Variants in IMMP2L observed in about 807,000 individuals in gnomAD.
The protein encoded by IMMP2L is inner mitochondrial membrane peptidase subunit 2, also known as mitochondrial inner membrane protease subunit 2.
In IMMP2L, 18 loss-of-function variants were observed where a neutral mutation model predicts 19.3. That is an observed-to-expected ratio of 0.93 (90% CI 0.64 to 1.38). The LOEUF is 1.38. Ranked by LOEUF, IMMP2L falls within the 40% of genes most tolerant of loss-of-function variation. IMMP2L has a pLI of 0.00. For synonymous variants in IMMP2L, 76 were observed against 73.0 expected (o/e 1.04, Z -0.21); for missense variants, 233 against 218.2 (o/e 1.07, Z -0.43).
intron 3 of IMMP2L, among the ~76,000 whole-genome samples, chr7:111,311,381 C>T (rs779011840): frequency 2.0e-5 from 3 of 152,064 alleles, no homozygotes; most frequent in Middle Eastern, 3.2e-3. Context: ...CATAAGGTCA[C>T]ACTTTGACAA....
chr7:111,099,699 T>G (rs946121511), intron 3 of IMMP2L, among the ~76,000 whole-genome samples: 4 of 151,188 alleles, frequency 2.6e-5, no homozygotes, highest in East Asian at 1.9e-4. Context: ...AAAATGAAGT[T>G]TTTTTTTTGA....
intron 3 of IMMP2L, among the ~76,000 whole-genome samples, chr7:111,039,621 A>G (rs1439357370): frequency 1.3e-5 from 2 of 152,190 alleles, no homozygotes; most frequent in Admixed American, 6.5e-5. Context: ...ATGTTAGTCC[A>G]TGTAATAAAG....
intron 3 of IMMP2L, among the ~76,000 whole-genome samples, chr7:110,976,299 C>G (rs192999350): frequency 3.1e-4 from 47 of 151,814 alleles, no homozygotes; most frequent in Non-Finnish European, 6.0e-4. Context: ...AATACATATA[C>G]GAAGATATTG....
chr7:111,243,512 TTA>T lies in IMMP2L; in HGVS notation c.239+243724_239+243725del, dbSNP rs1491198466. Among the ~76,000 whole-genome samples, 173 of 22,464 alleles carry T rather than the reference TTA, an allele frequency of 7.7e-3. 1 individual carries two copies. Among genetic ancestry groups the T allele is most frequent in the African/African-American group, 0.023 (167 of 7,396 alleles). 14.7% of individuals were successfully genotyped at this position (22,464 alleles called of 152,430 possible). A position where few individuals can be genotyped will look rare whatever the true frequency, so the allele number is the denominator to read the frequency against. On this transcript the variant is annotated intron_variant, in intron 3 of 5. Coordinates refer to ENST00000405709, the MANE Select transcript of IMMP2L (RefSeq NM_032549.4). ...GTTCAACTCTATATTTCTTGTTGCT[TTA>T]TTTTTTTTTTTTTTATTATACTCTA... is the stretch of plus-strand genomic sequence containing the variant.
At chr7:111,139,476 C>T (rs1159225960) in intron 3 of IMMP2L, among the ~76,000 whole-genome samples, 7 of 151,982 alleles carry the variant, frequency 4.6e-5, no homozygotes, top group African/African-American at 1.2e-4. Flanking sequence ...TAGGCAACTT[C>T]CCTGAAATAA....
chr7:111,329,628 AC>A (rs1211912296), intron 3 of IMMP2L, among the ~76,000 whole-genome samples: 1 of 151,988 alleles, frequency 6.6e-6, no homozygotes, highest in African/African-American at 2.4e-5. Flanking sequence ...ATGACAAGCC[AC>A]CTTGCAAAGG....
chr7:111,522,938 T>TATATGTATATATATATATATATATATATA (rs199823915), intron 1 of IMMP2L, among the ~76,000 whole-genome samples: 20 of 148,768 alleles, frequency 1.3e-4, no homozygotes, highest in Non-Finnish European at 2.5e-4. Flanking sequence ...TATATATATA[T>TATATGTATATATATATATATATATATATA]TATTTCACCA....
chr7:110,918,387 C>A (rs1260087424), intron 4 of IMMP2L, among the ~76,000 whole-genome samples: 1 of 151,862 alleles, frequency 6.6e-6, no homozygotes. Flanking sequence ...TCACCATAAT[C>A]CCCTTATTTA....
chr7:110,893,140 T>A (rs1328230461), intron 4 of IMMP2L, among the ~76,000 whole-genome samples: 1 of 152,200 alleles, frequency 6.6e-6, no homozygotes, highest in East Asian at 1.9e-4. Context: ...TACATTATAC[T>A]GTAGTTTATT....
At position 110,663,461 on chromosome 7, in the gene IMMP2L, T is replaced by C. The variant is rs1791209822; in HGVS notation, c.*141A>G. 1.5e-6 allele frequency: 1 copy of C among 662,316 alleles called. No homozygotes were observed. The allele number at this position is 662,316 out of a possible 1,614,324, so 41.0% of individuals were successfully genotyped here. A position where few individuals can be genotyped will look rare whatever the true frequency, so the allele number is the denominator to read the frequency against. On this transcript the variant is annotated 3_prime_UTR_variant, in exon 6 of 6. Transcript: ENST00000405709. ...CATTTGAAAATTATTTATTTAATAA[T>C]ACAGATCGTTTTAATGTGCTGTAAA...
intron 3 of IMMP2L, chr7:111,124,829 C>T: frequency 6.2e-7 from 1 of 1,607,328 alleles, no homozygotes; most frequent in Non-Finnish European, 8.5e-7. Flanking sequence ...CTCTGGGAAG[C>T]AGGAAAAGAA....
intron 3 of IMMP2L, among the ~76,000 whole-genome samples, chr7:111,090,605 T>C (rs955882618): frequency 7.0e-6 from 1 of 143,164 alleles, no homozygotes; most frequent in Non-Finnish European, 1.5e-5. Context: ...AGAAATGTCA[T>C]TGCTAAAAAA....
intron 3 of IMMP2L, among the ~76,000 whole-genome samples, chr7:111,250,001 A>C (rs1815900785): frequency 6.6e-6 from 1 of 152,180 alleles, no homozygotes; most frequent in Admixed American, 6.6e-5. Context: ...CTGTATCTAG[A>C]AAACCCCACC....
intron 1 of IMMP2L, among the ~76,000 whole-genome samples, chr7:111,537,457 A>T (rs983091442): frequency 1.3e-5 from 2 of 151,506 alleles, no homozygotes; most frequent in Non-Finnish European, 2.9e-5. Context: ...TTTCTATAGG[A>T]TAATATCAAG....
At chr7:110,715,275 C>T (rs1484421324) in intron 5 of IMMP2L, among the ~76,000 whole-genome samples, 1 of 151,934 alleles carries the variant, frequency 6.6e-6, no homozygotes, top group Non-Finnish European at 1.5e-5. Context: ...TTCACTTTCA[C>T]GCTGATTTTA....
chr7:111,142,116 G>A (rs957126771), intron 3 of IMMP2L, among the ~76,000 whole-genome samples: 92 of 152,130 alleles, frequency 6.0e-4, no homozygotes, highest in Admixed American at 4.4e-3. Flanking sequence ...ACCTGAGATC[G>A]GGAGTGCGAG....
chr7:110,771,800 T>A (rs558302820), intron 5 of IMMP2L, among the ~76,000 whole-genome samples: 4 of 152,272 alleles, frequency 2.6e-5, no homozygotes, highest in African/African-American at 7.2e-5. Flanking sequence ...GTAATCCTCA[T>A]AAAAACCCTA....
chr7:111,401,644 T>C (rs891476287), intron 3 of IMMP2L, among the ~76,000 whole-genome samples: 11 of 152,150 alleles, frequency 7.2e-5, no homozygotes, highest in Non-Finnish European at 1.6e-4. Context: ...CTACTACTTC[T>C]GTTCAAGAGG....
intron 5 of IMMP2L, among the ~76,000 whole-genome samples, chr7:110,830,570 T>C (rs1356736075): frequency 6.6e-6 from 1 of 152,136 alleles, no homozygotes; most frequent in Admixed American, 6.6e-5. Context: ...GGCCATCTTG[T>C]ACTGCAAACA....
Sources: allele counts gnomAD v4.1 joint callset (sites outside exome capture counted in the v4.1 genomes callset), GRCh38; gene constraint gnomAD v4.1.1; transcripts MANE v1.5; gene names NCBI Gene and HGNC (gene_info 2026-07-23, HGNC 2026-07-21).